Variants in GPHN observed in about 807,000 individuals in gnomAD.
GPHN encodes the protein gephyrin.
GPHN carries 17 observed loss-of-function variants against 95.5 expected under a neutral mutation model. The observed-to-expected ratio is 0.18, with a 90% confidence interval of 0.12 to 0.27. The LOEUF (loss-of-function observed/expected upper bound fraction) is 0.27. Among genes scored for constraint, GPHN ranks in the 10% least tolerant of loss-of-function variants. GPHN has a pLI of 1.00. For synonymous variants in GPHN, 320 were observed against 322.5 expected, an observed-to-expected ratio of 0.99 and a Z score of 0.08; for missense variants, 660 against 978.1, an observed-to-expected ratio of 0.67 and a Z score of 4.34.
At chr14:67,227,470 A>G in the GPHN span, 1 of 151,668 alleles carries the variant, frequency 6.6e-6, no homozygotes, top group Non-Finnish European at 1.5e-5. Flanking sequence ...AAAAAGAAAA[A>G]TTTGCTCCCA....
intron 17 of GPHN, among the ~76,000 whole-genome samples, chr14:67,139,944 T>G (rs960798961): frequency 6.6e-5 from 10 of 152,170 alleles, no homozygotes; most frequent in African/African-American, 2.2e-4. Flanking sequence ...ATTGAGCATA[T>G]TCTTTGAAAC....
intron 1 of GPHN, among the ~76,000 whole-genome samples, chr14:66,630,708 G>A (rs979755330): frequency 3.3e-5 from 5 of 151,994 alleles, no homozygotes; most frequent in Admixed American, 3.3e-4. Context: ...TCCTGACCTC[G>A]TGATCCGCCT....
intron 10 of GPHN, among the ~76,000 whole-genome samples, chr14:67,040,335 T>C (rs2074634808): frequency 6.6e-6 from 1 of 152,128 alleles, no homozygotes; most frequent in Admixed American, 6.6e-5. Context: ...TGTGAGTAAA[T>C]TGCAGACATG....
At chr14:67,312,663 A>G in the GPHN span, 14 of 1,612,980 alleles carry the variant, frequency 8.7e-6, no homozygotes, top group Non-Finnish European at 1.2e-5. Flanking sequence ...TGGCAGGCCT[A>G]CAGGGAAGGG....
the GPHN span, chr14:67,398,027 A>G: frequency 0.11 from 45,595 of 400,122 alleles, 6,284 homozygotes; most frequent in East Asian, 0.41. Context: ...CTATTTGGCC[A>G]TTTCTCTGGT....
chr14:66,611,877 G>A (rs1019295747), intron 1 of GPHN, among the ~76,000 whole-genome samples: 2 of 152,038 alleles, frequency 1.3e-5, no homozygotes, highest in African/African-American at 4.8e-5. Context: ...CTAGATGAAA[G>A]TTTCTAAAGT....
At position 66,534,309 on chromosome 14, in the gene GPHN, C is replaced by T. The variant is rs543004071; in HGVS notation, c.64+25718C>T. 3.3e-5 allele frequency among the ~76,000 whole-genome samples: 5 copies of T among 152,248 alleles called. 1 individual carries two copies. The South Asian group carries it at 1.0e-3, about 32-fold the overall frequency. The stretch of plus-strand genomic sequence containing the variant: ...GTTAACTAATATCCACTTCTCCTGT[C>T]ACTCCCAAGTAATTATTATTCTGAT... On this transcript the variant is annotated intron_variant, in intron 1 of 22. Transcript: ENST00000478722.
the GPHN span, chr14:67,599,926 G>A: frequency 6.0e-6 from 6 of 1,002,364 alleles, no homozygotes; most frequent in Admixed American, 1.7e-4. Flanking sequence ...ACTGTAGGAG[G>A]GGCCGACCAG....
At chr14:67,050,790 C>T (rs1295724164) in intron 10 of GPHN, among the ~76,000 whole-genome samples, 3 of 152,152 alleles carry the variant, frequency 2.0e-5, no homozygotes, top group Non-Finnish European at 4.4e-5. Flanking sequence ...GGTTCTCTCA[C>T]TAGGACTGAC....
the GPHN span, among the ~76,000 whole-genome samples, chr14:67,280,391 G>A: frequency 6.6e-6 from 1 of 152,134 alleles, no homozygotes; most frequent in Non-Finnish European, 1.5e-5. Context: ...CTACTTTTTT[G>A]TAGAAGGAGA....
intron 19 of GPHN, 77 bp downstream of exon 19, chr14:67,159,565 T>C: frequency 2.5e-6 from 2 of 809,596 alleles, no homozygotes; most frequent in Non-Finnish European, 4.5e-6. Context: ...AAATGCCTTC[T>C]TTTTACATTT....
At chr14:67,111,283 ATACATC>A (rs2078357566) in intron 14 of GPHN, among the ~76,000 whole-genome samples, 1 of 152,226 alleles carries the variant, frequency 6.6e-6, no homozygotes. Context: ...TCCAGAACAC[ATACATC>A]CACAGACTCT....
chr14:67,541,946 C>G, the GPHN span: 3 of 1,607,138 alleles, frequency 1.9e-6, no homozygotes, highest in Non-Finnish European at 1.7e-6. Flanking sequence ...TCAGCTTTTC[C>G]GGTTCCGCCT....
chr14:67,351,255 T>C, the GPHN span, among the ~76,000 whole-genome samples: 1 of 152,080 alleles, frequency 6.6e-6, no homozygotes, highest in Non-Finnish European at 1.5e-5. Flanking sequence ...ATATGGAAAT[T>C]TAGTAAAGAG....
chr14:67,578,794 T>A, the GPHN span, among the ~76,000 whole-genome samples: 2 of 152,208 alleles, frequency 1.3e-5, no homozygotes, highest in Non-Finnish European at 2.9e-5. The surrounding 1 kb of genome is among the most constrained non-coding windows in gnomAD (Gnocchi z 5.0). Flanking sequence ...AATGGGCACG[T>A]GTGGATCTGG....
intron 20 of GPHN, among the ~76,000 whole-genome samples, chr14:67,168,684 A>G (rs2082422448): frequency 6.6e-6 from 1 of 152,210 alleles, no homozygotes; most frequent in East Asian, 1.9e-4. Context: ...GGAAAGCGGA[A>G]ATAAATGGCG....
At chr14:66,668,298 A>T (rs557875657) in intron 1 of GPHN, among the ~76,000 whole-genome samples, 25 of 152,232 alleles carry the variant, frequency 1.6e-4, no homozygotes, top group Non-Finnish European at 2.5e-4. Context: ...ACCCAAAGGA[A>T]TATAAGTTGC....
chr14:66,537,462 T>TAA (rs2059183376), intron 1 of GPHN, among the ~76,000 whole-genome samples: 1 of 152,182 alleles, frequency 6.6e-6, no homozygotes. Context: ...TAGTGTATCT[T>TAA]AATGTTTTAC....
chr14:67,339,362 G>T, the GPHN span, among the ~76,000 whole-genome samples: 1 of 151,998 alleles, frequency 6.6e-6, no homozygotes, highest in South Asian at 2.1e-4. Context: ...GAGCATTCAG[G>T]CATTTTTTTA....
Sources: gnomAD v4.1 joint callset for allele counts (sites outside exome capture counted in the v4.1 genomes callset) on GRCh38, gnomAD v4.1.1 for gene constraint, Gnocchi (gnomAD v3.1) non-coding constraint, MANE v1.5 for transcripts, NCBI Gene and HGNC (gene_info 2026-07-23, HGNC 2026-07-21) for gene names.